The following TMCC1 variants were observed in gnomAD, a reference collection of about 807,000 sequenced individuals.
TMCC1 encodes transmembrane and coiled-coil domain family 1.
In TMCC1, 15 loss-of-function variants were observed where a neutral mutation model predicts 52.4. That is an observed-to-expected ratio of 0.29 (90% CI 0.19 to 0.44). The LOEUF is 0.44. Ranked by LOEUF, TMCC1 falls within the 20% of genes least tolerant of loss-of-function variation. The probability of loss-of-function intolerance (pLI) is 1.00; values close to 1 mark genes in which losing one functional copy is unlikely to be tolerated. For synonymous variants in TMCC1, 279 were observed against 301.9 expected (o/e 0.92, Z 0.79); for missense variants, 503 against 806.0 (o/e 0.62, Z 4.55).
intron 4 of TMCC1, among the ~76,000 whole-genome samples, chr3:129,752,548 C>T (rs552929080): frequency 6.6e-6 from 1 of 152,098 alleles, no homozygotes; most frequent in South Asian, 2.1e-4. Flanking sequence ...CACCTGTAAT[C>T]CCAGCTACTA....
At chr3:129,746,318 G>A (rs1373688364) in intron 4 of TMCC1, among the ~76,000 whole-genome samples, 1 of 149,954 alleles carries the variant, frequency 6.7e-6, no homozygotes, top group Admixed American at 6.7e-5. Context: ...CTACAGGCGT[G>A]CGCCACCACG....
chr3:129,836,456 T>TA (rs1370253853), intron 2 of TMCC1, among the ~76,000 whole-genome samples: 3 of 152,230 alleles, frequency 2.0e-5, no homozygotes, highest in Non-Finnish European at 4.4e-5. Flanking sequence ...TGTTGAACCC[T>TA]AAGGCAAGTC....
intron 2 of TMCC1, among the ~76,000 whole-genome samples, chr3:129,843,323 G>C (rs1034441956): frequency 2.0e-5 from 3 of 151,870 alleles, no homozygotes; most frequent in South Asian, 2.1e-4. Flanking sequence ...CTCCAGCCTA[G>C]GAGACACAGC....
intron 5 of TMCC1, among the ~76,000 whole-genome samples, chr3:129,659,029 T>A (rs2086846237): frequency 6.6e-6 from 1 of 152,068 alleles, no homozygotes; most frequent in Non-Finnish European, 1.5e-5. Flanking sequence ...ACCTCTGAGA[T>A]CTTTTCTAAC....
intron 4 of TMCC1, among the ~76,000 whole-genome samples, chr3:129,680,416 T>C (rs886535787): frequency 6.6e-6 from 1 of 152,224 alleles, no homozygotes; most frequent in Non-Finnish European, 1.5e-5. Context: ...CTCCATTTTA[T>C]AGCCGAAGAA....
chr3:129,763,621 T>A (rs1038853494), intron 4 of TMCC1, among the ~76,000 whole-genome samples: 17 of 150,898 alleles, frequency 1.1e-4, no homozygotes, highest in African/African-American at 4.1e-4. Flanking sequence ...CAAATTATAT[T>A]CAGAACTTAA....
chr3:129,733,084 G>A (rs960909540), intron 4 of TMCC1, among the ~76,000 whole-genome samples: 5 of 152,122 alleles, frequency 3.3e-5, no homozygotes, highest in African/African-American at 1.2e-4. Flanking sequence ...TTTAAGATAC[G>A]TCTTTTGGAG....
In TMCC1 at chr3:129,688,169, T is replaced by G. The variant is rs931896217; in HGVS notation, c.577-16905A>C. 3.0e-6 allele frequency: 3 copies of G among 985,276 alleles called. No homozygotes were observed. The African/African-American group carries it at 5.2e-5, about 17-fold the overall frequency. 61.0% of individuals were successfully genotyped at this position (985,276 alleles called of 1,614,324 possible). ...AATAAGAAAAAAATCACAACACATT[T>G]ATCTTACCAAAACCCCCTGTCAGGC... On this transcript the variant is annotated intron_variant, in intron 4 of 6. Coordinates refer to ENST00000393238, the MANE Select transcript of TMCC1 (RefSeq NM_001017395.5).
chr3:129,676,224 G>A (rs1382348611), intron 4 of TMCC1, among the ~76,000 whole-genome samples: 1 of 152,058 alleles, frequency 6.6e-6, no homozygotes, highest in Non-Finnish European at 1.5e-5. Flanking sequence ...TCAGAGTCCA[G>A]AGCATCAGTG....
At chr3:129,881,490 G>C (rs372162293) in intron 1 of TMCC1, among the ~76,000 whole-genome samples, 2 of 151,716 alleles carry the variant, frequency 1.3e-5, no homozygotes, top group South Asian at 4.2e-4. Flanking sequence ...AGAAAATGTA[G>C]AATAATCATA....
At chr3:129,826,784 T>TA (rs1028356848) in intron 4 of TMCC1, among the ~76,000 whole-genome samples, 19 of 148,774 alleles carry the variant, frequency 1.3e-4, no homozygotes, top group East Asian at 6.0e-4. Context: ...TAATATCCAA[T>TA]AAAAAAAAAC....
At chr3:129,839,266 G>T (rs576800140) in intron 2 of TMCC1, among the ~76,000 whole-genome samples, 1 of 152,136 alleles carries the variant, frequency 6.6e-6, no homozygotes, top group South Asian at 2.1e-4. Flanking sequence ...ATGGCAAAAG[G>T]GAAAAGAGGG....
intron 4 of TMCC1, among the ~76,000 whole-genome samples, chr3:129,709,176 T>TA (rs767444040): frequency 6.6e-6 from 1 of 152,148 alleles, no homozygotes; most frequent in Non-Finnish European, 1.5e-5. Context: ...TAATAAACTT[T>TA]AGATTGTCCG....
chr3:129,842,680 T>C (rs1337649879), intron 2 of TMCC1, among the ~76,000 whole-genome samples: 2 of 152,020 alleles, frequency 1.3e-5, no homozygotes, highest in African/African-American at 2.4e-5. Flanking sequence ...TCAAGATAAA[T>C]AAAAATACAA....
At chr3:129,677,957 C>T (rs1296499643) in intron 4 of TMCC1, among the ~76,000 whole-genome samples, 3 of 152,182 alleles carry the variant, frequency 2.0e-5, no homozygotes, top group Admixed American at 6.5e-5. Context: ...GACAGAGTCT[C>T]GCTCTGTCGC....
At chr3:129,658,155 A>G (rs1471071330) in intron 5 of TMCC1, among the ~76,000 whole-genome samples, 1 of 152,248 alleles carries the variant, frequency 6.6e-6, no homozygotes, top group Non-Finnish European at 1.5e-5. Context: ...GGATGCTCAC[A>G]GAAACATTAG....
At chr3:129,674,821 C>A (rs6439191) in intron 4 of TMCC1, among the ~76,000 whole-genome samples, 1 of 152,194 alleles carries the variant, frequency 6.6e-6, no homozygotes, top group East Asian at 1.9e-4. Context: ...TGTTCATATA[C>A]AACAACATAA....
At chr3:129,717,887 T>C (rs1218785361) in intron 4 of TMCC1, among the ~76,000 whole-genome samples, 7 of 152,212 alleles carry the variant, frequency 4.6e-5, no homozygotes, top group Non-Finnish European at 7.3e-5. Context: ...CTAAGTCAAA[T>C]CACATCAGTC....
rs775148645 is a variant in TMCC1, at chr3:129,828,006, G to C, written c.373C>G (p.Arg125Gly). The C allele has an allele frequency of 6.2e-7, 1 of 1,614,054 alleles. No homozygotes were observed. Among genetic ancestry groups the C allele is most frequent in the Admixed American group, 1.7e-5 (1 of 59,998 alleles). Reference protein sequence around the residue: ...MKRGTSLHSRRGKPEAPKGSP... With the variant: ...MKRGTSLHSRGGKPEAPKGSP... ...CCCTTTGGGGCCTCTGGCTTGCCCCGCCTACTATGCAAGCTTGTCCCTCTC... is the reference window on the plus strand; with the variant it reads ...CCCTTTGGGGCCTCTGGCTTGCCCCCCCTACTATGCAAGCTTGTCCCTCTC... Residue 125 changes from arginine (R) to glycine (G), a missense_variant, in exon 4 of 7, where the codon CGG becomes GGG. Arg to Gly is a moderately radical substitution (Grantham distance 125). This residue lies in a region of TMCC1 where 217 missense variants were observed against 297.9 expected (regional missense o/e 0.73). Transcript: ENST00000393238. This position sits in a 1 kb window ranked among gnomAD's most constrained non-coding sequence, Gnocchi z 4.1.
Sources: allele counts gnomAD v4.1 joint callset (sites outside exome capture counted in the v4.1 genomes callset), GRCh38; gene constraint gnomAD v4.1.1; regional missense constraint gnomAD v4.1.1; non-coding constraint Gnocchi (gnomAD v3.1); transcripts MANE v1.5; gene names NCBI Gene and HGNC (gene_info 2026-07-23, HGNC 2026-07-21).